The following CNBD1 variants were observed in gnomAD, a reference collection of about 807,000 sequenced individuals.
CNBD1 encodes the protein cyclic nucleotide binding domain containing 1.
Under a neutral mutation model 54.4 loss-of-function variants are expected in CNBD1, and 71 were observed. The observed-to-expected ratio is 1.30, with a 90% CI of 1.08 to 1.59. CNBD1 has a LOEUF of 1.59. Ranked by LOEUF, CNBD1 falls within the 40% of genes most tolerant of loss-of-function variation. The probability of loss-of-function intolerance (pLI) is 0.00; values close to 1 mark genes in which losing one functional copy is unlikely to be tolerated. For synonymous variants in CNBD1, 182 were observed against 170.7 expected, an observed-to-expected ratio of 1.07 and a Z score of -0.51; for missense variants, 659 against 518.0, an observed-to-expected ratio of 1.27 and a Z score of -2.64.
rs528268429 is a variant in CNBD1, at chr8:87,166,376, T to A, written c.432-39617T>A. ...ATAGCTTCTCGCTTTGATACTTCAA[T>A]AGCCTCCTTGGCAGGTTTGTATCTT... On this transcript the variant is annotated intron_variant, in intron 4 of 10. Transcript: ENST00000518476. This position sits in a 1 kb window ranked among gnomAD's most constrained non-coding sequence, Gnocchi z 4.3. Among the ~76,000 whole-genome samples the A allele has an allele frequency of 6.6e-6, 1 of 152,084 alleles. No individual in the cohort carries two copies. The highest frequency in any genetic ancestry group is 2.1e-4 in the South Asian group (1 of 4,828).
chr8:86,965,589 A>C (rs1444845198), intron 4 of CNBD1, among the ~76,000 whole-genome samples: 1 of 152,190 alleles, frequency 6.6e-6, no homozygotes, highest in East Asian at 1.9e-4. Flanking sequence ...TCCAAAAAAA[A>C]AGGACAGAAA....
intron 3 of CNBD1, among the ~76,000 whole-genome samples, chr8:86,913,971 T>C (rs1563819960): frequency 6.6e-6 from 1 of 152,132 alleles, no homozygotes; most frequent in African/African-American, 2.4e-5. Context: ...AATTCAGTGA[T>C]ATTTCTCTTA....
chr8:87,364,977 G>A (rs999785543), intron 10 of CNBD1, among the ~76,000 whole-genome samples: 1 of 151,992 alleles, frequency 6.6e-6, no homozygotes, highest in Admixed American at 6.6e-5. Context: ...CTTTATAATA[G>A]AACTATTCAT....
At chr8:87,291,387 T>C (rs1314746530) in intron 8 of CNBD1, among the ~76,000 whole-genome samples, 2 of 152,160 alleles carry the variant, frequency 1.3e-5, no homozygotes, top group Non-Finnish European at 2.9e-5. Context: ...TTGCTCTTTC[T>C]TGCTTGCAGA....
At chr8:87,083,108 C>T (rs1260465403) in intron 4 of CNBD1, among the ~76,000 whole-genome samples, 2 of 152,288 alleles carry the variant, frequency 1.3e-5, no homozygotes, top group East Asian at 1.9e-4. Flanking sequence ...TTATTTAACA[C>T]TATATATCAT....
At position 87,236,029 on chromosome 8, in the gene CNBD1, T is replaced by C. The variant is rs1041473358; in HGVS notation, c.578-890T>C. Among the ~76,000 whole-genome samples the C allele has an allele frequency of 2.5e-4, 38 of 151,984 alleles. 1 individual carries two copies. The highest frequency in any genetic ancestry group is 2.4e-5 in the African/African-American group (1 of 41,386). Reference sequence around the variant, plus strand: ...TAAGCACTCAGAAAAAAAGCAGACATGGCAAGCATTTGATGACTTTTAGGA... The same window carrying C: ...TAAGCACTCAGAAAAAAAGCAGACACGGCAAGCATTTGATGACTTTTAGGA... On this transcript the variant is annotated intron_variant, in intron 5 of 10. Transcript: ENST00000518476.
chr8:86,895,615 T>G (rs968996195), intron 2 of CNBD1, among the ~76,000 whole-genome samples: 1 of 152,168 alleles, frequency 6.6e-6, no homozygotes, highest in African/African-American at 2.4e-5. Flanking sequence ...ATCATTTGTG[T>G]TGTTGGTGTT....
At chr8:87,253,824 C>T (rs969067590) in intron 6 of CNBD1, among the ~76,000 whole-genome samples, 4 of 151,970 alleles carry the variant, frequency 2.6e-5, no homozygotes, top group Non-Finnish European at 5.9e-5. Context: ...AACAACAAAA[C>T]ATTAAACATA....
intron 4 of CNBD1, among the ~76,000 whole-genome samples, chr8:87,052,604 A>G (rs1428110566): frequency 6.6e-6 from 1 of 151,968 alleles, no homozygotes. Context: ...TGTTCCTGTT[A>G]TTGTTCTCTA....
chr8:86,948,774 A>G (rs184098984), intron 4 of CNBD1, among the ~76,000 whole-genome samples: 42 of 152,028 alleles, frequency 2.8e-4, no homozygotes, highest in Middle Eastern at 6.8e-3. Flanking sequence ...ATGTGATCTC[A>G]TTTGTCCATT....
At chr8:87,022,123 A>T (rs1167686586) in intron 4 of CNBD1, among the ~76,000 whole-genome samples, 2 of 152,212 alleles carry the variant, frequency 1.3e-5, no homozygotes, top group Non-Finnish European at 2.9e-5. Context: ...GTAGTAAAAG[A>T]ATTTACTGAA....
At chr8:87,162,613 GGA>G (rs1812880683) in intron 4 of CNBD1, among the ~76,000 whole-genome samples, 2 of 152,010 alleles carry the variant, frequency 1.3e-5, no homozygotes, top group Non-Finnish European at 2.9e-5. Flanking sequence ...TATCTTAACT[GGA>G]TAATTTGTAA....
At chr8:87,352,432 A>G (rs1459793825) in intron 9 of CNBD1, among the ~76,000 whole-genome samples, 2 of 140,548 alleles carry the variant, frequency 1.4e-5, no homozygotes, top group African/African-American at 5.4e-5. Context: ...GTGAGCCAAG[A>G]TTGTGCCACT....
intron 10 of CNBD1, among the ~76,000 whole-genome samples, chr8:87,376,237 C>A (rs1485766492): frequency 2.6e-5 from 4 of 151,818 alleles, no homozygotes; most frequent in Non-Finnish European, 5.9e-5. Context: ...GCAAGAAATC[C>A]AAGATCAAGT....
intron 4 of CNBD1, among the ~76,000 whole-genome samples, chr8:87,018,237 G>A (rs1175028263): frequency 6.6e-6 from 1 of 152,142 alleles, no homozygotes; most frequent in East Asian, 1.9e-4. Context: ...GAGCAAAACT[G>A]TGTCTCAAAA....
intron 4 of CNBD1, among the ~76,000 whole-genome samples, chr8:86,965,558 G>A (rs1490428085): frequency 1.3e-5 from 2 of 151,932 alleles, no homozygotes; most frequent in African/African-American, 4.8e-5. Context: ...CTTCATTTTG[G>A]CTATTATGGA....
At chr8:87,193,923 A>C (rs1474694091) in intron 4 of CNBD1, among the ~76,000 whole-genome samples, 6 of 152,216 alleles carry the variant, frequency 3.9e-5, no homozygotes, top group Non-Finnish European at 5.9e-5. Context: ...TGTATATCCT[A>C]GTGCAGGGGT....
chr8:87,353,819 C>A (rs201005187), intron 10 of CNBD1, 33 bp downstream of exon 10: 3 of 1,505,856 alleles, frequency 2.0e-6, no homozygotes, highest in Admixed American at 2.1e-5. Flanking sequence ...ACTGTTATAC[C>A]ATTTTATTGG....
intron 2 of CNBD1, among the ~76,000 whole-genome samples, chr8:87,411,935 C>A (rs182834704): frequency 7.9e-5 from 12 of 151,862 alleles, no homozygotes; most frequent in African/African-American, 2.9e-4. Context: ...TTTGCTTGTA[C>A]GGGAGAAGTG....
Sources: allele counts gnomAD v4.1 joint callset (sites outside exome capture counted in the v4.1 genomes callset), GRCh38; gene constraint gnomAD v4.1.1; non-coding constraint Gnocchi (gnomAD v3.1); transcripts MANE v1.5; gene names NCBI Gene and HGNC (gene_info 2026-07-23, HGNC 2026-07-21).